TRABD2B: variants seen among roughly 807,000 people sequenced by gnomAD.
TRABD2B encodes metalloprotease TIKI2.
Under a neutral mutation model 40.1 loss-of-function variants are expected in TRABD2B, and 14 were observed. The ratio of observed to expected loss-of-function variants is 0.35; its 90% CI spans 0.23 to 0.55. The LOEUF is 0.55. Ranked by LOEUF, TRABD2B falls within the 20% of genes least tolerant of loss-of-function variation. The probability of loss-of-function intolerance (pLI) is 0.90; values close to 1 mark genes in which losing one functional copy is unlikely to be tolerated. For synonymous variants in TRABD2B, 263 were observed against 277.0 expected (o/e 0.95, Z 0.50); for missense variants, 541 against 648.6 (o/e 0.83, Z 1.80).
chr1:47,879,575 G>C (rs61773470), intron 2 of TRABD2B, among the ~76,000 whole-genome samples: 1 of 152,362 alleles, frequency 6.6e-6, no homozygotes, highest in East Asian at 1.9e-4. Context: ...GTGTCATTAA[G>C]TCATGCATGA....
At chr1:47,909,588 G>GGAGGAGGAGGAA (rs1644729409) in intron 2 of TRABD2B, among the ~76,000 whole-genome samples, 1 of 148,050 alleles carries the variant, frequency 6.8e-6, no homozygotes, top group Non-Finnish European at 1.5e-5. Context: ...AGGAGGAGGA[G>GGAGGAGGAGGAA]GAGGAGGAGG....
At chr1:47,769,004 C>T (rs570386343) in intron 6 of TRABD2B, among the ~76,000 whole-genome samples, 100 of 152,264 alleles carry the variant, frequency 6.6e-4, no homozygotes, top group Non-Finnish European at 1.2e-3. Context: ...AGCCCATGAG[C>T]GAAGCGTGGG....
intron 4 of TRABD2B, among the ~76,000 whole-genome samples, chr1:47,780,333 G>A (rs1644503648): frequency 6.6e-6 from 1 of 152,194 alleles, no homozygotes; most frequent in Non-Finnish European, 1.5e-5. Context: ...GGCTCTCAGA[G>A]CCTATGGGGA....
chr1:47,861,017 A>G (rs1643959545), intron 2 of TRABD2B, among the ~76,000 whole-genome samples: 1 of 152,198 alleles, frequency 6.6e-6, no homozygotes. Flanking sequence ...TCATAGACCA[A>G]TGGAATGTTA....
intron 2 of TRABD2B, among the ~76,000 whole-genome samples, chr1:47,949,996 G>C (rs1022256326): frequency 1.3e-5 from 2 of 152,128 alleles, no homozygotes; most frequent in Non-Finnish European, 2.9e-5. Flanking sequence ...AGAAAGGAGA[G>C]AGAGGTAGGC....
Position 47,771,764 on chromosome 1 carries a change from T to A in TRABD2B, c.1349+3406A>T, listed in dbSNP as rs143219585. On this transcript the variant is annotated intron_variant, in intron 6 of 6. Coordinates refer to ENST00000606738, the MANE Select transcript of TRABD2B (RefSeq NM_001194986.2). ...CAGCCATCTGTGGACACACGCTTCG[T>A]CTGCCCTTTCCATGGGTCCCCATAA... Among the ~76,000 whole-genome samples, 588 of 152,322 alleles carry A rather than the reference T, an allele frequency of 3.9e-3. 8 individuals are homozygous for A. Among genetic ancestry groups the A allele is most frequent in the African/African-American group, 0.014 (566 of 41,568 alleles).
intron 2 of TRABD2B, among the ~76,000 whole-genome samples, chr1:47,906,315 T>C (rs1258159503): frequency 6.6e-6 from 1 of 152,218 alleles, no homozygotes; most frequent in Non-Finnish European, 1.5e-5. Flanking sequence ...GTGGACACTA[T>C]TATTTTCCCT....
intron 2 of TRABD2B, among the ~76,000 whole-genome samples, chr1:47,983,761 A>G (rs1032402476): frequency 2.0e-5 from 3 of 152,010 alleles, no homozygotes; most frequent in Non-Finnish European, 4.4e-5. Flanking sequence ...AAAAAGAAAA[A>G]AAAAAAAAAA....
intron 2 of TRABD2B, among the ~76,000 whole-genome samples, chr1:47,859,151 G>A (rs1643929884): frequency 6.6e-6 from 1 of 152,208 alleles, no homozygotes; most frequent in African/African-American, 2.4e-5. Context: ...TCTTGAGGCT[G>A]GCATGGTGCT....
intron 2 of TRABD2B, among the ~76,000 whole-genome samples, chr1:47,815,973 G>A (rs1388101222): frequency 4.6e-5 from 7 of 152,242 alleles, no homozygotes; most frequent in East Asian, 1.9e-4. Flanking sequence ...GGTGCTGTGC[G>A]GGGGTCCTGG....
chr1:47,828,964 C>T (rs1645213468), intron 2 of TRABD2B, among the ~76,000 whole-genome samples: 1 of 152,192 alleles, frequency 6.6e-6, no homozygotes, highest in Non-Finnish European at 1.5e-5. Context: ...TCTGCATCGG[C>T]CAATGCTGCG....
At chr1:47,843,696 T>G (rs1180578900) in intron 2 of TRABD2B, among the ~76,000 whole-genome samples, 1 of 151,974 alleles carries the variant, frequency 6.6e-6, no homozygotes. Flanking sequence ...TGTGAAGGAG[T>G]GGCCAGCCAG....
chr1:47,898,476 G>A (rs1184614482), intron 2 of TRABD2B, among the ~76,000 whole-genome samples: 1 of 152,202 alleles, frequency 6.6e-6, no homozygotes, highest in African/African-American at 2.4e-5. Flanking sequence ...AGGCTCTGGA[G>A]GGAAGCCAGG....
intron 2 of TRABD2B, among the ~76,000 whole-genome samples, chr1:47,803,700 C>T (rs1185136674): frequency 2.0e-5 from 3 of 152,240 alleles, no homozygotes; most frequent in South Asian, 4.1e-4. Context: ...CAGCCTCCCA[C>T]ATTAGGCTAT....
intron 2 of TRABD2B, among the ~76,000 whole-genome samples, chr1:47,950,253 C>G (rs1645322777): frequency 6.6e-6 from 1 of 151,874 alleles, no homozygotes; most frequent in Non-Finnish European, 1.5e-5. Flanking sequence ...CCACTGCACT[C>G]CAGCTTGGGC....
At chr1:47,944,033 C>A (rs572476617) in intron 2 of TRABD2B, among the ~76,000 whole-genome samples, 1 of 152,324 alleles carries the variant, frequency 6.6e-6, no homozygotes, top group Admixed American at 6.5e-5. Context: ...CTGTCATGAG[C>A]AATAACCAGG....
rs897455282 is a variant in TRABD2B at position 47,788,329 on chromosome 1, C to T, written c.988+6257G>A. ...CTGGGTGCTTACCTCTGATCTGCTT[C>T]TGTGTCCCAGCTTCACAGGTGTGTT... On this transcript the variant is annotated intron_variant, in intron 4 of 6. Transcript: ENST00000606738. Among the ~76,000 whole-genome samples the T allele has an allele frequency of 4.6e-5, 7 of 152,192 alleles. 1 individual carries two copies. Among genetic ancestry groups the T allele is most frequent in the Non-Finnish European group, 7.3e-5 (5 of 68,040 alleles).
At chr1:47,925,020 T>A (rs1275141312) in intron 2 of TRABD2B, among the ~76,000 whole-genome samples, 1 of 152,204 alleles carries the variant, frequency 6.6e-6, no homozygotes, top group African/African-American at 2.4e-5. Flanking sequence ...GGAAGTCACC[T>A]AGCCCAGAAA....
At chr1:47,795,548 C>T in intron 3 of TRABD2B, 8 of 574,502 alleles carry the variant, frequency 1.4e-5, no homozygotes, top group Non-Finnish European at 1.8e-5. Context: ...TGTTCTGATG[C>T]TGCGTGGCAC....
Sources: allele counts gnomAD v4.1 joint callset (sites outside exome capture counted in the v4.1 genomes callset), GRCh38; gene constraint gnomAD v4.1.1; transcripts MANE v1.5; gene names NCBI Gene and HGNC (gene_info 2026-07-23, HGNC 2026-07-21).